Variants in SP140L observed in about 807,000 individuals in gnomAD.
SP140L encodes nuclear body protein SP140-like protein.
In SP140L, 64 loss-of-function variants were observed where a neutral mutation model predicts 84.3. That is an observed-to-expected ratio of 0.76 (90% CI 0.62 to 0.94). SP140L has a LOEUF of 0.94. Ranked by LOEUF, SP140L falls within the 40% of genes least tolerant of loss-of-function variation. SP140L has a pLI of 0.00. For synonymous variants in SP140L, 242 were observed against 236.9 expected (o/e 1.02, Z -0.20); for missense variants, 628 against 692.5 (o/e 0.91, Z 1.05).
At chr2:230,386,229 G>A (rs1404198064) in intron 9 of SP140L, among the ~76,000 whole-genome samples, 3 of 152,134 alleles carry the variant, frequency 2.0e-5, no homozygotes, top group Non-Finnish European at 2.9e-5. Flanking sequence ...GGATGCGGGT[G>A]CTTGGAACTT....
chr2:230,353,771 C>A (rs1359186851), intron 2 of SP140L, among the ~76,000 whole-genome samples: 1 of 151,764 alleles, frequency 6.6e-6, no homozygotes, highest in Non-Finnish European at 1.5e-5. Flanking sequence ...TCTGTTTTAC[C>A]TTTTATAATT....
chr2:230,344,387 C>T (rs1340074372), intron 2 of SP140L, among the ~76,000 whole-genome samples: 1 of 152,156 alleles, frequency 6.6e-6, no homozygotes, highest in African/African-American at 2.4e-5. Context: ...TCCTCCATCC[C>T]TTGGTTTTGA....
rs140364774 is a variant in SP140L, at chr2:230,333,894, A to G, written c.107+5063A>G. On this transcript the variant is annotated intron_variant, in intron 2 of 18. Transcript: ENST00000415673. Reference sequence around the variant, plus strand: ...TTTAATTTCCAAAAGCCCTTTTAAAAAGTTGTTTCTCGTTTATAGCATCTT... The same window carrying G: ...TTTAATTTCCAAAAGCCCTTTTAAAGAGTTGTTTCTCGTTTATAGCATCTT... Among the ~76,000 whole-genome samples, 56 of 152,212 alleles carry G rather than the reference A, an allele frequency of 3.7e-4. No homozygotes were observed. In the East Asian group the frequency reaches 0.011, roughly 29 times the overall value.
intron 14 of SP140L, among the ~76,000 whole-genome samples, chr2:230,398,878 A>G (rs886688017): frequency 6.6e-6 from 1 of 152,224 alleles, no homozygotes; most frequent in African/African-American, 2.4e-5. Flanking sequence ...GCTTGTTTGA[A>G]TAATTCCATG....
At chr2:230,374,221 C>T (rs908845918) in intron 7 of SP140L, among the ~76,000 whole-genome samples, 14 of 151,348 alleles carry the variant, frequency 9.3e-5, no homozygotes, top group African/African-American at 2.7e-4. Context: ...GAGGCTGAGG[C>T]AGGAGAATCG....
intron 5 of SP140L, 114 bp downstream of exon 5, chr2:230,361,811 G>A: frequency 5.3e-6 from 4 of 761,542 alleles, no homozygotes; most frequent in South Asian, 1.8e-5. Flanking sequence ...ACACAGGGAA[G>A]GACCATGGAG....
Position 230,372,760 on chromosome 2 carries a change from T to C in SP140L, c.637+1109T>C, listed in dbSNP as rs560048100. Reference sequence around the variant, plus strand: ...AAAAAAAAAAAAAGAAAGAGTCACATGTACTCACTTTAAATAAAAATCTAG... The same window carrying C: ...AAAAAAAAAAAAAGAAAGAGTCACACGTACTCACTTTAAATAAAAATCTAG... On this transcript the variant is annotated intron_variant, in intron 7 of 18. Coordinates refer to ENST00000415673, the MANE Select transcript of SP140L (RefSeq NM_138402.6). 9 of 147,042 alleles carry C rather than the reference T, an allele frequency of 6.1e-5. No homozygotes were observed. In the East Asian group the frequency reaches 1.6e-3, roughly 26 times the overall value. 9.1% of individuals were successfully genotyped at this position (147,042 alleles called of 1,614,324 possible).
chr2:230,389,732 G>T (rs1013748117), intron 10 of SP140L, among the ~76,000 whole-genome samples, 187 bp from the exon 11 acceptor site: 4 of 152,190 alleles, frequency 2.6e-5, no homozygotes, highest in Admixed American at 6.5e-5. Flanking sequence ...TTTGAAAGGT[G>T]AAATTGGGGC....
At chr2:230,388,851 G>A (rs940279222) in intron 10 of SP140L, 2 of 399,388 alleles carry the variant, frequency 5.0e-6, no homozygotes, top group East Asian at 8.7e-5. Context: ...GGCCCCAGGG[G>A]GTCACTAAAG....
At chr2:230,366,350 T>C (rs2060868424) in intron 5 of SP140L, among the ~76,000 whole-genome samples, 1 of 152,168 alleles carries the variant, frequency 6.6e-6, no homozygotes, top group South Asian at 2.1e-4. Context: ...TCTTAACAAA[T>C]TGACTGCTTC....
intron 2 of SP140L, among the ~76,000 whole-genome samples, chr2:230,345,521 T>G (rs2060181398): frequency 6.6e-6 from 1 of 152,116 alleles, no homozygotes; most frequent in Non-Finnish European, 1.5e-5. Context: ...AACTTACTAT[T>G]GCTGTTTTGT....
chr2:230,354,131 G>C (rs1213149758), intron 2 of SP140L, among the ~76,000 whole-genome samples: 1 of 152,072 alleles, frequency 6.6e-6, no homozygotes, highest in Non-Finnish European at 1.5e-5. Context: ...TTCTCCTGGG[G>C]TAACTTTTTC....
At chr2:230,343,042 T>G (rs2060104964) in intron 2 of SP140L, among the ~76,000 whole-genome samples, 1 of 152,234 alleles carries the variant, frequency 6.6e-6, no homozygotes, top group African/African-American at 2.4e-5. Context: ...CTGCATCCCA[T>G]AAGTTTTGGT....
intron 7 of SP140L, chr2:230,372,316 T>C (rs1441701917): frequency 6.6e-6 from 1 of 152,276 alleles, no homozygotes; most frequent in Non-Finnish European, 1.5e-5. Flanking sequence ...GTCTTTGAGA[T>C]TGCGCAGTGG....
intron 7 of SP140L, among the ~76,000 whole-genome samples, chr2:230,373,435 A>T (rs541451239): frequency 6.6e-6 from 1 of 152,340 alleles, no homozygotes; most frequent in East Asian, 1.9e-4. Context: ...CTCATTTACC[A>T]TTCTGAAAGT....
rs1411620684 is a variant in SP140L, at chr2:230,354,878, AAAG to A, written c.108-2924_108-2922del. On this transcript the variant is annotated intron_variant, in intron 2 of 18. Coordinates refer to ENST00000415673, the MANE Select transcript of SP140L (RefSeq NM_138402.6). ...GAAAGAAAGAAAGAAAGAAAGAAAG[AAAG>A]AAAGAAAGAAAGAAAGGAAAGAGAA... Among the ~76,000 whole-genome samples, 1,014 of 142,238 alleles carry A rather than the reference AAAG, an allele frequency of 7.1e-3. 17 individuals carry two copies. Among genetic ancestry groups the A allele is most frequent in the African/African-American group, 0.025 (956 of 39,020 alleles). The allele number at this position is 142,238 out of a possible 152,430, so 93.3% of individuals were successfully genotyped here. A position where few individuals can be genotyped will look rare whatever the true frequency, so the allele number is the denominator to read the frequency against.
At chr2:230,384,043 G>A (rs969053355) in intron 8 of SP140L, among the ~76,000 whole-genome samples, 1 of 152,052 alleles carries the variant, frequency 6.6e-6, no homozygotes, top group East Asian at 1.9e-4. Flanking sequence ...CTGTGTGTAT[G>A]AAGAGATATA....
intron 10 of SP140L, 88 bp downstream of exon 10, chr2:230,388,721 C>A: frequency 9.0e-7 from 1 of 1,111,106 alleles, no homozygotes; most frequent in South Asian, 1.7e-5. Context: ...AAACCTATTT[C>A]TTTAATTGTT....
intron 9 of SP140L, among the ~76,000 whole-genome samples, chr2:230,387,971 C>T (rs2061654587): frequency 6.6e-6 from 1 of 152,144 alleles, no homozygotes. Flanking sequence ...TATCTTCCCC[C>T]AATGTGATAT....
Sources: gnomAD v4.1 joint callset for allele counts (sites outside exome capture counted in the v4.1 genomes callset) on GRCh38, gnomAD v4.1.1 for gene constraint, MANE v1.5 for transcripts, NCBI Gene and HGNC (gene_info 2026-07-23, HGNC 2026-07-21) for gene names.